EIF3H: variants seen among roughly 807,000 people sequenced by gnomAD.
EIF3H encodes the protein eukaryotic translation initiation factor 3 subunit H.
EIF3H carries 26 observed loss-of-function variants against 44.2 expected under a neutral mutation model. The ratio of observed to expected loss-of-function variants is 0.59; its 90% CI spans 0.43 to 0.82. The LOEUF is 0.82. Among genes scored for constraint, EIF3H ranks in the 40% least tolerant of loss-of-function variants. The pLI, the probability that EIF3H is intolerant of heterozygous loss-of-function variation, is 0.00. For synonymous variants in EIF3H, 166 were observed against 151.9 expected (o/e 1.09, Z -0.68); for missense variants, 359 against 432.8 (o/e 0.83, Z 1.51).
At chr8:116,750,913 G>A (rs898721479) in intron 1 of EIF3H, among the ~76,000 whole-genome samples, 4 of 151,790 alleles carry the variant, frequency 2.6e-5, no homozygotes, top group Non-Finnish European at 2.9e-5. Flanking sequence ...TTAAATAAAC[G>A]TTTTAATAAA....
At chr8:116,726,339 A>C (rs1026948186) in intron 1 of EIF3H, among the ~76,000 whole-genome samples, 167 bp from the exon 2 acceptor site, 1 of 152,220 alleles carries the variant, frequency 6.6e-6, no homozygotes, top group African/African-American at 2.4e-5. Context: ...TTACATAAAT[A>C]ATAAAGCTCA....
rs56700266 is a variant in EIF3H at position 116,666,753 on chromosome 8, C to CAAAAAAAAAAAAAAAAA, written c.290-7790_290-7774dup. ...CCAAATGAGAATCTTTAGTGTTAGGCAAAAAAAAAAAAAAAAAAAAAAATT... is the reference window on the plus strand; with the variant it reads ...CCAAATGAGAATCTTTAGTGTTAGGCAAAAAAAAAAAAAAAAAAAAAAAAAAAAAAAAAAAAAAAATT... On this transcript the variant is annotated intron_variant, in intron 2 of 7. Coordinates refer to ENST00000521861, the MANE Select transcript of EIF3H (RefSeq NM_003756.3). Among the ~76,000 whole-genome samples the CAAAAAAAAAAAAAAAAA allele has an allele frequency of 6.4e-4, 46 of 71,442 alleles. 3 individuals are homozygous for CAAAAAAAAAAAAAAAAA. The highest frequency in any genetic ancestry group is 3.0e-3 in the African/African-American group (44 of 14,600). The allele number at this position is 71,442 out of a possible 152,430, so 46.9% of individuals were successfully genotyped here.
chr8:116,692,370 C>T (rs966181682), intron 2 of EIF3H, among the ~76,000 whole-genome samples: 1 of 151,898 alleles, frequency 6.6e-6, no homozygotes, highest in African/African-American at 2.4e-5. Context: ...TATATATTTA[C>T]AAAAATACAA....
Position 116,726,145 on chromosome 8 carries a change from G to C in EIF3H, c.160C>G (p.Gln54Glu). Residue 54 changes from glutamine (Q) to glutamate (E), a missense_variant, in exon 2 of 8, where the codon CAA (glutamine) becomes GAA (glutamate). Around this residue, in one of 5 missense-constraint regions of EIF3H, gnomAD observed 91 missense variants for 164.6 expected, o/e 0.55. Transcript: ENST00000521861. The part of the protein sequence containing the change: ...LVVLKIIKHY[Q>E]EEGQGTEVVQ... ...ACTTCAGTTCCTTGTCCTTCTTCTT[G>C]ATAATGTTTGATTATCTTTAATACC... is the stretch of plus-strand genomic sequence containing the variant. 6.2e-7 allele frequency: 1 copy of C among 1,613,840 alleles called. No homozygotes were observed. Among genetic ancestry groups the C allele is most frequent in the African/African-American group, 1.3e-5 (1 of 75,014 alleles).
chr8:116,686,035 G>A (rs1814069418), intron 2 of EIF3H, among the ~76,000 whole-genome samples: 1 of 152,026 alleles, frequency 6.6e-6, no homozygotes, highest in Admixed American at 6.6e-5. Flanking sequence ...AAAAGACACT[G>A]GATTTTACCC....
chr8:116,720,719 G>A (rs1814729158), intron 2 of EIF3H, among the ~76,000 whole-genome samples: 1 of 152,156 alleles, frequency 6.6e-6, no homozygotes, highest in African/African-American at 2.4e-5. Flanking sequence ...GAAAATCCAG[G>A]CTGAGGTGAT....
At chr8:116,741,459 A>G (rs562080838) in intron 1 of EIF3H, among the ~76,000 whole-genome samples, 2 of 152,318 alleles carry the variant, frequency 1.3e-5, no homozygotes, top group East Asian at 1.9e-4. Context: ...CTGTATACAT[A>G]TGTGTGTTTA....
chr8:116,734,811 G>A (rs1034691098), intron 1 of EIF3H, among the ~76,000 whole-genome samples: 4 of 152,106 alleles, frequency 2.6e-5, no homozygotes, highest in African/African-American at 9.7e-5. Context: ...CTACCCACCC[G>A]GGGCCTCCAA....
At chr8:116,649,478 C>T (rs1353876223) in intron 5 of EIF3H, among the ~76,000 whole-genome samples, 3 of 152,222 alleles carry the variant, frequency 2.0e-5, no homozygotes, top group East Asian at 3.9e-4. Context: ...TATTCTCTCC[C>T]GAAATTTCTA....
chr8:116,686,512 T>C (rs928576367), intron 2 of EIF3H, among the ~76,000 whole-genome samples: 1 of 152,160 alleles, frequency 6.6e-6, no homozygotes, highest in African/African-American at 2.4e-5. Context: ...GTTCTTGATT[T>C]CTGCCAGTAT....
At chr8:116,752,665 G>GAAGAAAGAAAGAAAGAAAGA (rs561596543) in intron 1 of EIF3H, among the ~76,000 whole-genome samples, 23 of 62,620 alleles carry the variant, frequency 3.7e-4, no homozygotes, top group East Asian at 5.7e-4. Flanking sequence ...AGACAGAAAT[G>GAAGAAAGAAAGAAAGAAAGA]AAGAAAGAAA....
intron 2 of EIF3H, among the ~76,000 whole-genome samples, chr8:116,722,968 T>G (rs1814776439): frequency 6.6e-6 from 1 of 152,190 alleles, no homozygotes; most frequent in Non-Finnish European, 1.5e-5. Context: ...AAAACATTGG[T>G]CAATTCAAGT....
intron 2 of EIF3H, among the ~76,000 whole-genome samples, chr8:116,672,792 T>C (rs1000862784): frequency 9.2e-5 from 14 of 152,014 alleles, no homozygotes; most frequent in African/African-American, 2.7e-4. Context: ...GGCCTCAAGA[T>C]AATCTGAAAA....
At chr8:116,757,295 G>A (rs972252134), upstream of EIF3H, among the ~76,000 whole-genome samples, 7 of 148,030 alleles carry the variant, frequency 4.7e-5, no homozygotes, top group African/African-American at 1.7e-4. Flanking sequence ...AGAGAGAGAG[G>A]GCCAGAGAAT....
intron 1 of EIF3H, among the ~76,000 whole-genome samples, chr8:116,738,281 T>C (rs537161516): frequency 1.2e-4 from 19 of 152,302 alleles, no homozygotes; most frequent in African/African-American, 4.1e-4. Flanking sequence ...GGACACATAA[T>C]ATATCTTGAT....
intron 2 of EIF3H, among the ~76,000 whole-genome samples, chr8:116,673,008 C>CA (rs1200483863): frequency 0.33 from 33,986 of 103,678 alleles, 4,452 homozygotes; most frequent in East Asian, 0.5. Flanking sequence ...AATAAAATTA[C>CA]AAAAAAAAAA....
At chr8:116,698,582 A>G (rs1276546297) in intron 2 of EIF3H, among the ~76,000 whole-genome samples, 2 of 152,218 alleles carry the variant, frequency 1.3e-5, no homozygotes, top group South Asian at 4.1e-4. Context: ...CAATTAATAC[A>G]TGTTATGCTG....
In EIF3H at chr8:116,755,798, C is replaced by T; in HGVS notation, c.-1G>A. On this transcript the variant is annotated 5_prime_UTR_variant, in exon 1 of 8. Coordinates refer to ENST00000521861, the MANE Select transcript of EIF3H (RefSeq NM_003756.3). Reference sequence around the variant, plus strand: ...CGGTACCTTCCTTGCGGGACGCCATCTTTCCAAGCAGACAGGAAGAAAGAG... The same window carrying T: ...CGGTACCTTCCTTGCGGGACGCCATTTTTCCAAGCAGACAGGAAGAAAGAG... 4.3e-6 allele frequency: 7 copies of T among 1,613,342 alleles called. No individual in the cohort carries two copies. Among genetic ancestry groups the T allele is most frequent in the Non-Finnish European group, 5.9e-6 (7 of 1,180,022 alleles).
chr8:116,738,969 G>C (rs1261537005), intron 1 of EIF3H, among the ~76,000 whole-genome samples: 1 of 152,098 alleles, frequency 6.6e-6, no homozygotes, highest in Non-Finnish European at 1.5e-5. Flanking sequence ...CTCTTGTTGG[G>C]AACAGGCCCC....
Sources: gnomAD v4.1 joint callset for allele counts (sites outside exome capture counted in the v4.1 genomes callset) on GRCh38, gnomAD v4.1.1 for gene constraint, gnomAD v4.1.1 regional missense constraint, MANE v1.5 for transcripts, NCBI Gene and HGNC (gene_info 2026-07-23, HGNC 2026-07-21) for gene names.